SOX5: variants seen among roughly 807,000 people sequenced by gnomAD.
The protein encoded by SOX5 is transcription factor SOX-5.
SOX5 carries 9 observed loss-of-function variants against 92.0 expected under a neutral mutation model. The observed-to-expected ratio is 0.10, with a 90% CI of 0.06 to 0.17. The LOEUF is 0.17. Ranked by LOEUF, SOX5 falls within the 10% of genes least tolerant of loss-of-function variation. SOX5 has a pLI of 1.00. For missense variants in SOX5, 642 were observed against 944.5 expected (o/e 0.68, Z 4.20); for synonymous variants, 344 against 336.3 (o/e 1.02, Z -0.25).
In SOX5 at chr12:24,308,710, A is replaced by T. The variant is rs574905083; in HGVS notation, c.-173-31398T>A. Among the ~76,000 whole-genome samples, 7 of 152,360 alleles carry T rather than the reference A, an allele frequency of 4.6e-5. No individual in the cohort carries two copies. The South Asian group carries it at 1.5e-3, about 32-fold the overall frequency. On this transcript the variant is annotated intron_variant, in intron 2 of 4. Coordinates refer to the SOX5 transcript ENST00000446891. ...TGGTCACCTGCTGAAATTTAAAAAA[A>T]GTACACAAAAAACTTCCCAGCACAC...
chr12:23,840,343 T>C (rs1436246768), intron 3 of SOX5, among the ~76,000 whole-genome samples: 6 of 152,146 alleles, frequency 3.9e-5, no homozygotes, highest in Admixed American at 3.9e-4. Flanking sequence ...AAGATACTCA[T>C]AAATAGGGAG....
chr12:23,933,752 T>C (rs566601296), intron 1 of SOX5, among the ~76,000 whole-genome samples: 1 of 151,660 alleles, frequency 6.6e-6, no homozygotes, highest in Admixed American at 6.6e-5. Context: ...GATCCAAAAG[T>C]GTTTCCTGAG....
rs868767492 is a variant in SOX5 at position 23,966,649 on chromosome 12, G to A, written c.-1-70625C>T. 4.6e-5 allele frequency among the ~76,000 whole-genome samples: 7 copies of A among 152,126 alleles called. No individual in the cohort carries two copies. In the East Asian group the frequency reaches 9.7e-4, roughly 21 times the overall value. On this transcript the variant is annotated intron_variant, in intron 4 of 4. Coordinates refer to the SOX5 transcript ENST00000446891. Reference sequence around the variant, plus strand: ...ATAAACACAAACATTTATTATGTGCGTGTCTAAGAACCTAGGTTCAAATTC... The same window carrying A: ...ATAAACACAAACATTTATTATGTGCATGTCTAAGAACCTAGGTTCAAATTC...
chr12:23,540,155 C>G (rs1465464674), intron 13 of SOX5, among the ~76,000 whole-genome samples: 2 of 150,884 alleles, frequency 1.3e-5, no homozygotes, highest in Non-Finnish European at 2.9e-5. Flanking sequence ...GCTGCTTACT[C>G]TGGACTGATG....
chr12:24,022,077 A>G (rs764846501), intron 4 of SOX5, among the ~76,000 whole-genome samples: 18 of 152,204 alleles, frequency 1.2e-4, no homozygotes, highest in Non-Finnish European at 2.4e-4. Flanking sequence ...AATAGCAGAC[A>G]ACATTCTTGC....
intron 6 of SOX5, among the ~76,000 whole-genome samples, chr12:23,711,862 A>T (rs758617540): frequency 2.0e-5 from 3 of 152,176 alleles, no homozygotes; most frequent in Non-Finnish European, 4.4e-5. Flanking sequence ...CACCACAAAG[A>T]TGCTATTAAT....
At chr12:24,256,789 G>A (rs1231757031) in intron 3 of SOX5, among the ~76,000 whole-genome samples, 2 of 152,074 alleles carry the variant, frequency 1.3e-5, no homozygotes, top group African/African-American at 4.8e-5. Flanking sequence ...AGCATAAACC[G>A]ACGAAAACTG....
upstream of SOX5, among the ~76,000 whole-genome samples, chr12:23,954,636 CT>C (rs1481922016): frequency 1.3e-5 from 2 of 151,896 alleles, no homozygotes; most frequent in African/African-American, 2.4e-5. Flanking sequence ...AGCCTATCTT[CT>C]TTTTTAAAGA....
chr12:23,862,372 A>G (rs1162900364), intron 2 of SOX5, among the ~76,000 whole-genome samples: 1 of 152,202 alleles, frequency 6.6e-6, no homozygotes, highest in Non-Finnish European at 1.5e-5. Context: ...AAATAGGAGC[A>G]GGTTCAGATT....
chr12:24,100,732 C>G (rs767899905), intron 4 of SOX5, among the ~76,000 whole-genome samples: 3 of 152,090 alleles, frequency 2.0e-5, no homozygotes, highest in African/African-American at 7.2e-5. Context: ...ATTTTATACA[C>G]TTAATAAATC....
At chr12:23,853,046 A>T (rs1016602966) in intron 2 of SOX5, among the ~76,000 whole-genome samples, 4 of 151,744 alleles carry the variant, frequency 2.6e-5, no homozygotes, top group African/African-American at 9.7e-5. Flanking sequence ...GAGAAAAGGT[A>T]ATATATTCCA....
intron 4 of SOX5, among the ~76,000 whole-genome samples, chr12:24,187,544 C>A (rs1365957242): frequency 1.3e-5 from 2 of 152,110 alleles, no homozygotes; most frequent in Non-Finnish European, 2.9e-5. Context: ...TTTTCATTAC[C>A]ATTTATCTAC....
intron 5 of SOX5, among the ~76,000 whole-genome samples, chr12:23,738,948 G>A (rs1002143545): frequency 2.6e-5 from 4 of 152,258 alleles, no homozygotes; most frequent in African/African-American, 9.6e-5. Context: ...TAATGAAAGT[G>A]ATTAGGCATT....
intron 2 of SOX5, among the ~76,000 whole-genome samples, chr12:24,349,459 C>A (rs568218780): frequency 2.0e-5 from 3 of 152,266 alleles, no homozygotes; most frequent in African/African-American, 7.2e-5. Context: ...CCCTGGCAAC[C>A]ACCATTCTGT....
At chr12:24,438,019 C>G (rs1939776949) in intron 1 of SOX5, among the ~76,000 whole-genome samples, 1 of 152,196 alleles carries the variant, frequency 6.6e-6, no homozygotes, top group Non-Finnish European at 1.5e-5. Context: ...ATAGCAAAGA[C>G]TTGGAACCAA....
At chr12:23,869,849 C>A (rs917527920) in intron 2 of SOX5, among the ~76,000 whole-genome samples, 3 of 152,084 alleles carry the variant, frequency 2.0e-5, no homozygotes, top group African/African-American at 7.2e-5. Flanking sequence ...TATATCCATT[C>A]ATCTGTAATA....
intron 2 of SOX5, among the ~76,000 whole-genome samples, chr12:24,307,503 A>AGGG (rs1565874099): frequency 0.016 from 567 of 36,168 alleles, 87 homozygotes; most frequent in East Asian, 0.06. Flanking sequence ...GGAAGGAAGG[A>AGGG]AGGAAGGAAG....
chr12:23,860,253 G>A (rs1474931095), intron 2 of SOX5, among the ~76,000 whole-genome samples: 2 of 151,382 alleles, frequency 1.3e-5, no homozygotes, highest in Non-Finnish European at 2.9e-5. Context: ...CATGACATGT[G>A]TTTATCTGTG....
intron 4 of SOX5, among the ~76,000 whole-genome samples, chr12:24,180,336 T>C (rs1427577808): frequency 6.6e-6 from 1 of 152,148 alleles, no homozygotes; most frequent in Non-Finnish European, 1.5e-5. Flanking sequence ...AAGGAGACCT[T>C]CCTACTGATG....
Sources: gnomAD v4.1 joint callset for allele counts (sites outside exome capture counted in the v4.1 genomes callset) on GRCh38, gnomAD v4.1.1 for gene constraint, MANE v1.5 for transcripts, NCBI Gene and HGNC (gene_info 2026-07-23, HGNC 2026-07-21) for gene names.